The following SKAP1 variants were observed in gnomAD, a reference collection of about 807,000 sequenced individuals.
SKAP1 encodes src kinase associated phosphoprotein 1.
Under a neutral mutation model 58.5 loss-of-function variants are expected in SKAP1, and 44 were observed. The observed-to-expected ratio is 0.75, with a 90% CI of 0.59 to 0.97. The LOEUF is 0.97. SKAP1 is among the 50% of genes least tolerant of loss of function. The probability of loss-of-function intolerance (pLI) is 0.00; values close to 1 mark genes in which losing one functional copy is unlikely to be tolerated. For synonymous variants in SKAP1, 127 were observed against 149.7 expected (o/e 0.85, Z 1.11); for missense variants, 390 against 435.2 (o/e 0.90, Z 0.92).
chr17:48,160,261 C>G (rs976116706), intron 11 of SKAP1, among the ~76,000 whole-genome samples: 1 of 152,044 alleles, frequency 6.6e-6, no homozygotes, highest in Non-Finnish European at 1.5e-5. Flanking sequence ...TCCAGAGTAG[C>G]TGAGACTACA....
chr17:48,218,392 A>G (rs1366315629), intron 4 of SKAP1, among the ~76,000 whole-genome samples: 3 of 152,192 alleles, frequency 2.0e-5, no homozygotes, highest in African/African-American at 7.2e-5. Flanking sequence ...ACCCAACATC[A>G]ATATTCCCAA....
intron 4 of SKAP1, among the ~76,000 whole-genome samples, chr17:48,273,045 G>T (rs2065653399): frequency 6.6e-6 from 1 of 152,132 alleles, no homozygotes; most frequent in African/African-American, 2.4e-5. Context: ...TGTGCCAACT[G>T]CACTCCTTCA....
At chr17:48,220,640 T>C (rs1020014542) in intron 4 of SKAP1, among the ~76,000 whole-genome samples, 2 of 150,438 alleles carry the variant, frequency 1.3e-5, no homozygotes, top group Non-Finnish European at 3.0e-5. Flanking sequence ...AAGGATCACT[T>C]GAGGTCAGGA....
intron 4 of SKAP1, chr17:48,204,151 T>A (rs1331570182): frequency 3.3e-5 from 5 of 151,286 alleles, no homozygotes; most frequent in African/African-American, 1.2e-4. Context: ...TGGTGTGATC[T>A]CGGCTGGAGT....
intron 2 of SKAP1, among the ~76,000 whole-genome samples, chr17:48,381,225 C>A (rs966254204): frequency 6.6e-6 from 1 of 152,196 alleles, no homozygotes; most frequent in Non-Finnish European, 1.5e-5. Flanking sequence ...CTGCCTCATG[C>A]TTTACTCTTC....
At chr17:48,379,886 A>G (rs1204202922) in intron 2 of SKAP1, among the ~76,000 whole-genome samples, 1 of 151,974 alleles carries the variant, frequency 6.6e-6, no homozygotes, top group Non-Finnish European at 1.5e-5. Flanking sequence ...GTTTCACCGT[A>G]TTGGCCAGGC....
chr17:48,146,161 C>T (rs969167704), intron 11 of SKAP1, among the ~76,000 whole-genome samples: 7 of 152,030 alleles, frequency 4.6e-5, no homozygotes, highest in African/African-American at 9.7e-5. Flanking sequence ...TGGGTATCCT[C>T]GCGCTCCCCA....
intron 1 of SKAP1, among the ~76,000 whole-genome samples, chr17:48,406,915 C>A (rs8068623): frequency 0.33 from 50,652 of 151,730 alleles, 9,141 homozygotes; most frequent in African/African-American, 0.47. Flanking sequence ...GTTGCCCAGG[C>A]TAGTCTTGAA....
At chr17:48,240,351 C>T (rs180971572) in intron 4 of SKAP1, among the ~76,000 whole-genome samples, 104 of 152,224 alleles carry the variant, frequency 6.8e-4, no homozygotes, top group African/African-American at 2.3e-3. Context: ...AAATGTCTCT[C>T]TGTAAACAAC....
At chr17:48,210,865 C>T (rs2064863228) in intron 4 of SKAP1, among the ~76,000 whole-genome samples, 1 of 152,120 alleles carries the variant, frequency 6.6e-6, no homozygotes, top group African/African-American at 2.4e-5. Flanking sequence ...CGAGTGTTAC[C>T]CTGCTCGGTT....
chr17:48,432,497 A>C (rs948736363), upstream of SKAP1, among the ~76,000 whole-genome samples: 1 of 152,092 alleles, frequency 6.6e-6, no homozygotes, highest in African/African-American at 2.4e-5. Flanking sequence ...GCTTGGGATC[A>C]AGTACCAGGT....
At chr17:48,298,798 T>G (rs1178389503) in intron 4 of SKAP1, among the ~76,000 whole-genome samples, 2 of 152,240 alleles carry the variant, frequency 1.3e-5, no homozygotes, top group Non-Finnish European at 2.9e-5. Context: ...TTGAATTCAC[T>G]TTCCATGTTA....
At chr17:48,284,730 T>C (rs907280873) in intron 4 of SKAP1, among the ~76,000 whole-genome samples, 1 of 152,214 alleles carries the variant, frequency 6.6e-6, no homozygotes, top group Non-Finnish European at 1.5e-5. Flanking sequence ...TTAGCAGTTG[T>C]AGAAGGTTGG....
intron 7 of SKAP1, among the ~76,000 whole-genome samples, chr17:48,183,312 T>C (rs10514935): frequency 0.12 from 18,843 of 151,844 alleles, 1,665 homozygotes; most frequent in East Asian, 0.43. Flanking sequence ...CAAAGGATAT[T>C]GTAGAAGAAG....
intron 4 of SKAP1, among the ~76,000 whole-genome samples, chr17:48,257,628 C>CTTTTTTTTTTTTTTTTTTTTTTTTTTTT (rs56225931): frequency 1.6e-4 from 18 of 111,140 alleles, no homozygotes; most frequent in South Asian, 9.9e-4. Context: ...TTCTTTCTTT[C>CTTTTTTTTTTTTTTTTTTTTTTTTTTTT]TTTTTTTTTT....
intron 4 of SKAP1, among the ~76,000 whole-genome samples, chr17:48,271,277 T>C (rs745496454): frequency 6.6e-6 from 1 of 151,712 alleles, no homozygotes; most frequent in Admixed American, 6.6e-5. Context: ...GGAAACTATA[T>C]ATATATATTT....
chr17:48,304,216 A>G (rs1298789361), intron 4 of SKAP1, among the ~76,000 whole-genome samples: 1 of 152,196 alleles, frequency 6.6e-6, no homozygotes, highest in Non-Finnish European at 1.5e-5. Flanking sequence ...ACTTACAGAC[A>G]TTTTTGTATA....
At chr17:48,391,678 G>A (rs544612554) in intron 2 of SKAP1, among the ~76,000 whole-genome samples, 48 of 152,120 alleles carry the variant, frequency 3.2e-4, no homozygotes, top group African/African-American at 1.1e-3. Context: ...GACTGAAAAA[G>A]GAAGAAATGA....
At chr17:48,385,937 C>T (rs377035336) in intron 2 of SKAP1, among the ~76,000 whole-genome samples, 1 of 152,064 alleles carries the variant, frequency 6.6e-6, no homozygotes, top group Non-Finnish European at 1.5e-5. Flanking sequence ...AGAGGGCTGT[C>T]GATAGGTCTC....
Sources: gnomAD v4.1 joint callset for allele counts (sites outside exome capture counted in the v4.1 genomes callset) on GRCh38, gnomAD v4.1.1 for gene constraint, MANE v1.5 for transcripts, NCBI Gene and HGNC (gene_info 2026-07-23, HGNC 2026-07-21) for gene names.